GRAMD4: variants seen among roughly 807,000 people sequenced by gnomAD.
The protein encoded by GRAMD4 is GRAM domain-containing protein 4.
In GRAMD4, 25 loss-of-function variants were observed where a neutral mutation model predicts 83.9. The observed-to-expected ratio is 0.30, with a 90% CI of 0.22 to 0.42. The LOEUF (loss-of-function observed/expected upper bound fraction) is 0.42. Among genes scored for constraint, GRAMD4 ranks in the 10% least tolerant of loss-of-function variants. GRAMD4 has a pLI of 1.00. For missense variants in GRAMD4, 593 were observed against 788.7 expected, an observed-to-expected ratio of 0.75 and a Z score of 2.97; for synonymous variants, 336 against 320.9, an observed-to-expected ratio of 1.05 and a Z score of -0.50.
At chr22:46,627,997 G>A (rs141729470) in intron 2 of GRAMD4, among the ~76,000 whole-genome samples, 1 of 152,356 alleles carries the variant, frequency 6.6e-6, no homozygotes, top group East Asian at 1.9e-4. Flanking sequence ...TGCAGGTTAT[G>A]TGGCAGAACG....
At position 46,672,764 on chromosome 22, in the gene GRAMD4, G is replaced by C. The variant is rs1180795122; in HGVS notation, c.1085-79G>C. 8 of 1,154,414 alleles carry C rather than the reference G, an allele frequency of 6.9e-6. No individual in the cohort carries two copies. In the East Asian group the frequency reaches 1.9e-4, roughly 27 times the overall value. The allele number at this position is 1,154,414 out of a possible 1,614,324, so 71.5% of individuals were successfully genotyped here. On this transcript the variant is annotated intron_variant, in intron 13 of 18. Transcript: ENST00000406902. This position sits in a 1 kb window ranked among gnomAD's most constrained non-coding sequence, Gnocchi z 4.7. Reference sequence around the variant, plus strand: ...GAGGGTGCCAATCTGGGAGGTGGGAGGTGCCGGAACCATCACCCTGAGTAG... The same window carrying C: ...GAGGGTGCCAATCTGGGAGGTGGGACGTGCCGGAACCATCACCCTGAGTAG...
At chr22:46,635,868 G>A (rs2081878275) in intron 2 of GRAMD4, among the ~76,000 whole-genome samples, 1 of 149,918 alleles carries the variant, frequency 6.7e-6, no homozygotes, top group African/African-American at 2.5e-5. Flanking sequence ...AAACACGCCA[G>A]GGTCCATATC....
At position 46,677,607 on chromosome 22, in the gene GRAMD4, A is replaced by G. The variant is rs1191488594; in HGVS notation, c.*356A>G. On this transcript the variant is annotated 3_prime_UTR_variant, in exon 19 of 19. Coordinates refer to ENST00000406902, the MANE Select transcript of GRAMD4 (RefSeq NM_015124.5). Reference sequence around the variant, plus strand: ...CAGAGAAACCTCTCCAGCCACCCCAAGAGGTTCTCGCAACCTTGTGTCCCG... The same window carrying G: ...CAGAGAAACCTCTCCAGCCACCCCAGGAGGTTCTCGCAACCTTGTGTCCCG... 2.9e-6 allele frequency: 3 copies of G among 1,031,604 alleles called. No individual in the cohort carries two copies. The highest frequency in any genetic ancestry group is 8.0e-5 in the East Asian group (1 of 12,522). The allele number at this position is 1,031,604 out of a possible 1,614,324, so 63.9% of individuals were successfully genotyped here. A position where few individuals can be genotyped will look rare whatever the true frequency, so the allele number is the denominator to read the frequency against.
intron 1 of GRAMD4, among the ~76,000 whole-genome samples, chr22:46,592,494 C>T (rs1179449657): frequency 4.0e-5 from 6 of 151,100 alleles, no homozygotes; most frequent in African/African-American, 7.3e-5. Flanking sequence ...TGAGTCATGG[C>T]GAGCAAGGTG....
intron 1 of GRAMD4, among the ~76,000 whole-genome samples, chr22:46,612,207 G>A (rs1478034357): frequency 5.9e-5 from 9 of 152,010 alleles, no homozygotes; most frequent in African/African-American, 1.7e-4. Flanking sequence ...GGGTCTTGCC[G>A]TGTTGTCTGG....
intron 3 of GRAMD4, among the ~76,000 whole-genome samples, chr22:46,640,174 C>A (rs991961935): frequency 6.6e-6 from 1 of 152,206 alleles, no homozygotes; most frequent in Non-Finnish European, 1.5e-5. Context: ...CTGAACCTCA[C>A]GAATTGCCTT....
At chr22:46,628,630 C>G (rs145862637) in intron 2 of GRAMD4, among the ~76,000 whole-genome samples, 1 of 148,160 alleles carries the variant, frequency 6.7e-6, no homozygotes, top group African/African-American at 2.5e-5. Flanking sequence ...TGAGTGTGTG[C>G]GTTGGTGTCT....
chr22:46,623,123 A>C (rs1436629521), intron 1 of GRAMD4, among the ~76,000 whole-genome samples: 2 of 152,044 alleles, frequency 1.3e-5, no homozygotes, highest in Admixed American at 1.3e-4. Flanking sequence ...CCATAACGAC[A>C]GTCACAGGAA....
upstream of GRAMD4, among the ~76,000 whole-genome samples, chr22:46,617,231 T>C (rs2081515352): frequency 1.4e-5 from 2 of 144,930 alleles, no homozygotes; most frequent in African/African-American, 5.2e-5. Context: ...TTCCCCCATG[T>C]GTAAGTTCCC....
intron 3 of GRAMD4, among the ~76,000 whole-genome samples, chr22:46,648,727 C>CATGG (rs1337896100): frequency 5.0e-5 from 3 of 59,782 alleles, no homozygotes; most frequent in Admixed American, 1.7e-4. Flanking sequence ...TGGATGGATG[C>CATGG]ATGGATGGAT....
rs200137778 is a variant in GRAMD4 at position 46,674,661 on chromosome 22, C to T, written c.1389C>T (p.Cys463=). Residue 463 remains cysteine (C), a synonymous_variant, in exon 16 of 19, where the codon TGC becomes TGT. Transcript: ENST00000406902. ...LTENERPLAV[C]ENGWRCCLIN... is the part of the protein sequence containing the mutation. ...AGGCGGGCCTTCTCCCATTAGTGTG[C>T]GAGAATGGCTGGCGCTGCTGCCTCA... The T allele has an allele frequency of 4.1e-5, 66 of 1,605,260 alleles. No individual in the cohort carries two copies. In the Admixed American group the frequency reaches 5.2e-4, roughly 13 times the overall value.
At chr22:46,676,689 C>T (rs112693431) in intron 18 of GRAMD4, 21 bp downstream of exon 18, 280 of 1,545,758 alleles carry the variant, frequency 1.8e-4, no homozygotes, top group African/African-American at 1.6e-3. Context: ...GGCGGGGGGC[C>T]GCCAAGGGGT....
intron 1 of GRAMD4, among the ~76,000 whole-genome samples, chr22:46,579,566 G>T (rs1360870023): frequency 6.6e-6 from 1 of 152,154 alleles, no homozygotes; most frequent in East Asian, 1.9e-4. Flanking sequence ...CCCACTTGAC[G>T]GGTCCTGGTG....
intron 1 of GRAMD4, chr22:46,587,849 G>C: frequency 1.1e-6 from 1 of 940,440 alleles, no homozygotes; most frequent in Non-Finnish European, 1.3e-6. Flanking sequence ...TGAAACAGGC[G>C]TGTGCGCCAG....
chr22:46,637,748 C>G, intron 2 of GRAMD4, 92 bp from the exon 3 acceptor site: 1 of 1,417,970 alleles, frequency 7.1e-7, no homozygotes. Context: ...TGCTGCCATC[C>G]TGGGGCCCCT....
downstream of GRAMD4, among the ~76,000 whole-genome samples, chr22:46,682,668 G>A (rs1048780098): frequency 6.6e-6 from 1 of 152,164 alleles, no homozygotes; most frequent in African/African-American, 2.4e-5. Flanking sequence ...CCTTTATCGC[G>A]AACACCCCCC....
chr22:46,594,398 C>T (rs1324622023), intron 1 of GRAMD4, among the ~76,000 whole-genome samples: 3 of 152,120 alleles, frequency 2.0e-5, no homozygotes, highest in Non-Finnish European at 4.4e-5. Context: ...GCATTCTAGG[C>T]CAGGGCAGGA....
At chr22:46,675,932 C>G (rs950974154) in intron 17 of GRAMD4, among the ~76,000 whole-genome samples, 3 of 152,180 alleles carry the variant, frequency 2.0e-5, no homozygotes, top group Non-Finnish European at 4.4e-5. Context: ...TGGTCGCGCC[C>G]GCTCTGGGCA....
chr22:46,648,863 CATGG>C (rs1353875354), intron 3 of GRAMD4, among the ~76,000 whole-genome samples: 1,163 of 16,502 alleles, frequency 0.07, 27 homozygotes, highest in African/African-American at 0.12. Context: ...TGGATGGATG[CATGG>C]ATGGATGGAT....
Sources: allele counts gnomAD v4.1 joint callset (sites outside exome capture counted in the v4.1 genomes callset), GRCh38; gene constraint gnomAD v4.1.1; non-coding constraint Gnocchi (gnomAD v3.1); transcripts MANE v1.5; gene names NCBI Gene and HGNC (gene_info 2026-07-23, HGNC 2026-07-21).